SPAG16: variants seen among roughly 807,000 people sequenced by gnomAD.
SPAG16 encodes sperm associated antigen 16, also known as sperm-associated antigen 16 protein.
A neutral mutation model predicts 80.4 loss-of-function variants in SPAG16; 86 were observed. The ratio of observed to expected loss-of-function variants is 1.07; its 90% confidence interval spans 0.90 to 1.28. SPAG16 has a LOEUF of 1.28. Among genes scored for constraint, SPAG16 ranks in the 50% most tolerant of loss-of-function variants. The probability of loss-of-function intolerance (pLI) is 0.00; values close to 1 mark genes in which losing one functional copy is unlikely to be tolerated. For synonymous variants in SPAG16, 294 were observed against 265.9 expected (o/e 1.11, Z -1.03); for missense variants, 870 against 765.3 (o/e 1.14, Z -1.61).
chr2:213,574,320 C>G (rs1271935303), intron 10 of SPAG16, among the ~76,000 whole-genome samples: 1 of 152,094 alleles, frequency 6.6e-6, no homozygotes. Context: ...ATCTCCAAAT[C>G]ATGGCTATTT....
At chr2:213,886,315 G>T (rs1484812401) in intron 11 of SPAG16, among the ~76,000 whole-genome samples, 1 of 152,076 alleles carries the variant, frequency 6.6e-6, no homozygotes, top group African/African-American at 2.4e-5. Context: ...CTGCCTCCAT[G>T]GGGAACGGAT....
rs552323476 is a variant in SPAG16, at chr2:213,658,810, G to C, written c.1070+168720G>C. Among the ~76,000 whole-genome samples, 74 of 152,286 alleles carry C rather than the reference G, an allele frequency of 4.9e-4. 1 individual carries two copies. The highest frequency in any genetic ancestry group is 1.7e-3 in the African/African-American group (69 of 41,576). Reference sequence around the variant, plus strand: ...TTCCAGCACTTTAGGAGGCCAAGGTGGGCGGATCACGAAGTCAGGAGATGA... The same window carrying C: ...TTCCAGCACTTTAGGAGGCCAAGGTCGGCGGATCACGAAGTCAGGAGATGA... On this transcript the variant is annotated intron_variant, in intron 10 of 15. Transcript: ENST00000331683.
chr2:213,988,431 A>G (rs2046122811), intron 12 of SPAG16, among the ~76,000 whole-genome samples: 1 of 152,150 alleles, frequency 6.6e-6, no homozygotes, highest in African/African-American at 2.4e-5. Context: ...TAAATTAGAA[A>G]TCGATAAAGA....
intron 12 of SPAG16, among the ~76,000 whole-genome samples, chr2:213,981,719 A>G (rs2045755960): frequency 6.6e-6 from 1 of 152,034 alleles, no homozygotes; most frequent in Non-Finnish European, 1.5e-5. Flanking sequence ...AACCCATTAT[A>G]TATAATAGAT....
chr2:214,371,733 T>A (rs1010836088), intron 15 of SPAG16, among the ~76,000 whole-genome samples: 3 of 147,810 alleles, frequency 2.0e-5, no homozygotes, highest in Non-Finnish European at 3.0e-5. Flanking sequence ...CAGGCTGGAG[T>A]GCAATGGCGT....
intron 10 of SPAG16, among the ~76,000 whole-genome samples, chr2:213,692,355 C>T (rs993516332): frequency 1.3e-5 from 2 of 152,118 alleles, no homozygotes; most frequent in African/African-American, 4.8e-5. Flanking sequence ...AATTTCACTT[C>T]ACTTAATGGA....
chr2:214,051,346 T>C (rs1425918680), intron 13 of SPAG16, among the ~76,000 whole-genome samples: 1 of 152,158 alleles, frequency 6.6e-6, no homozygotes, highest in African/African-American at 2.4e-5. Context: ...CCAAAAGGAA[T>C]TGCCAAGAAA....
At chr2:214,164,901 TTAA>T (rs2056585685) in intron 15 of SPAG16, among the ~76,000 whole-genome samples, 1 of 152,138 alleles carries the variant, frequency 6.6e-6, no homozygotes, top group Non-Finnish European at 1.5e-5. Context: ...GAGACAGCAA[TTAA>T]TAATATCATG....
intron 10 of SPAG16, among the ~76,000 whole-genome samples, chr2:213,769,341 T>G (rs1421893100): frequency 6.6e-6 from 1 of 152,204 alleles, no homozygotes; most frequent in Non-Finnish European, 1.5e-5. Context: ...TAGTACATCC[T>G]TAGTTCATTT....
chr2:214,344,076 G>T (rs1423070217), intron 15 of SPAG16, among the ~76,000 whole-genome samples: 4 of 152,028 alleles, frequency 2.6e-5, no homozygotes, highest in Non-Finnish European at 5.9e-5. Context: ...TTCACTGAAA[G>T]CACATTCATC....
chr2:214,163,061 C>T (rs2056511094), intron 15 of SPAG16, among the ~76,000 whole-genome samples: 1 of 152,046 alleles, frequency 6.6e-6, no homozygotes, highest in Non-Finnish European at 1.5e-5. Context: ...CAGTTTCTGA[C>T]ATGCATATAT....
At chr2:213,359,801 A>G (rs773867258) in intron 7 of SPAG16, among the ~76,000 whole-genome samples, 13 of 152,046 alleles carry the variant, frequency 8.6e-5, no homozygotes, top group Non-Finnish European at 1.9e-4. Flanking sequence ...ACCACTCCCA[A>G]TGGGATGAAC....
intron 15 of SPAG16, among the ~76,000 whole-genome samples, chr2:214,189,195 T>G (rs12618987): frequency 0.3 from 45,741 of 151,986 alleles, 8,562 homozygotes; most frequent in Non-Finnish European, 0.42. Flanking sequence ...ATTAACATCA[T>G]AAAGCAGAAT....
chr2:213,485,388 G>C (rs1329046163), intron 9 of SPAG16, among the ~76,000 whole-genome samples: 1 of 152,004 alleles, frequency 6.6e-6, no homozygotes, highest in Non-Finnish European at 1.5e-5. Flanking sequence ...ATCATAATAT[G>C]GTCCCTTTAG....
At chr2:214,382,936 C>T (rs1384449984) in intron 15 of SPAG16, among the ~76,000 whole-genome samples, 2 of 152,064 alleles carry the variant, frequency 1.3e-5, no homozygotes, top group African/African-American at 4.8e-5. Flanking sequence ...CAACTGAGGC[C>T]ATGCCTATCC....
At chr2:213,465,874 T>A (rs1404687559) in intron 9 of SPAG16, among the ~76,000 whole-genome samples, 1 of 152,152 alleles carries the variant, frequency 6.6e-6, no homozygotes, top group East Asian at 1.9e-4. Flanking sequence ...CTTGATTGGG[T>A]TGAAGTATGC....
chr2:214,044,447 G>T (rs546881756), intron 13 of SPAG16, among the ~76,000 whole-genome samples: 1 of 152,232 alleles, frequency 6.6e-6, no homozygotes, highest in Non-Finnish European at 1.5e-5. Flanking sequence ...TTTTAAGAAA[G>T]AAATGAAACA....
At chr2:214,258,807 G>T (rs539739954) in intron 15 of SPAG16, among the ~76,000 whole-genome samples, 1 of 151,736 alleles carries the variant, frequency 6.6e-6, no homozygotes, top group Non-Finnish European at 1.5e-5. Flanking sequence ...CCTTCAGTTA[G>T]TTATCACCAC....
At chr2:213,296,455 A>T (rs966556632) in intron 2 of SPAG16, among the ~76,000 whole-genome samples, 2 of 152,144 alleles carry the variant, frequency 1.3e-5, no homozygotes, top group African/African-American at 4.8e-5. Context: ...GGATTCCTAG[A>T]TTCCCACTGC....
Sources: allele counts gnomAD v4.1 joint callset (sites outside exome capture counted in the v4.1 genomes callset), GRCh38; gene constraint gnomAD v4.1.1; transcripts MANE v1.5; gene names NCBI Gene and HGNC (gene_info 2026-07-23, HGNC 2026-07-21).